Variants in MTRF1 observed in about 807,000 individuals in gnomAD.
The protein encoded by MTRF1 is peptide chain release factor 1, mitochondrial.
Under a neutral mutation model 62.9 loss-of-function variants are expected in MTRF1, and 51 were observed. The observed-to-expected ratio is 0.81, with a 90% CI of 0.65 to 1.02. MTRF1 has a LOEUF of 1.02. Among genes scored for constraint, MTRF1 ranks in the 50% least tolerant of loss-of-function variants. MTRF1 has a pLI of 0.00. For synonymous variants in MTRF1, 158 were observed against 181.9 expected, an observed-to-expected ratio of 0.87 and a Z score of 1.06; for missense variants, 446 against 530.0, an observed-to-expected ratio of 0.84 and a Z score of 1.56.
At chr13:41,246,933 G>A (rs543814354) in intron 5 of MTRF1, among the ~76,000 whole-genome samples, 1 of 152,312 alleles carries the variant, frequency 6.6e-6, no homozygotes, top group South Asian at 2.1e-4. Context: ...AGGCAAGTTA[G>A]TTCCACGCTT....
chr13:41,252,846 CA>C, intron 4 of MTRF1, 94 bp from the exon 5 acceptor site: 1 of 1,385,998 alleles, frequency 7.2e-7, no homozygotes, highest in Non-Finnish European at 1.0e-6. Context: ...TAACTATTTC[CA>C]AATTTAAATA....
chr13:41,262,464 G>A (rs1436143128), intron 1 of MTRF1: 1 of 151,558 alleles, frequency 6.6e-6, no homozygotes, highest in Non-Finnish European at 1.5e-5. Flanking sequence ...TCTTGCACAT[G>A]TAGCATGGAA....
At position 41,229,383 on chromosome 13, in the gene MTRF1, ATC is replaced by A. The variant is rs542459968; in HGVS notation, c.989-2817_989-2816del. On this transcript the variant is annotated intron_variant, in intron 7 of 9. Transcript: ENST00000379480. The stretch of plus-strand genomic sequence containing the variant: ...CTTTCTGAAAATATGCAATAAATAA[ATC>A]TATATTAACCATATTCATGCTATAG... 578 of 152,334 alleles carry A rather than the reference ATC, an allele frequency of 3.8e-3. 6 individuals are homozygous for A. The highest frequency in any genetic ancestry group is 0.013 in the African/African-American group (549 of 41,584). The allele number at this position is 152,334 out of a possible 1,614,324, so 9.4% of individuals were successfully genotyped here.
At chr13:41,308,619 A>G in the MTRF1 span, among the ~76,000 whole-genome samples, 3 of 152,196 alleles carry the variant, frequency 2.0e-5, no homozygotes, top group African/African-American at 7.2e-5. Context: ...GACTAAGGCA[A>G]GCTCCTAAAG....
At chr13:41,301,677 G>C in the MTRF1 span, among the ~76,000 whole-genome samples, 2 of 152,216 alleles carry the variant, frequency 1.3e-5, no homozygotes, top group South Asian at 4.1e-4. Flanking sequence ...GAACCCAGGA[G>C]GTGGAGGTTG....
chr13:41,260,825 TGAGAATG>T lies in MTRF1; in HGVS notation c.76_82del (p.His26IlefsTer26), dbSNP rs1321361320. 2.5e-6 allele frequency: 4 copies of T among 1,613,700 alleles called. No homozygotes were observed. Among genetic ancestry groups the T allele is most frequent in the Non-Finnish European group, 3.4e-6 (4 of 1,179,730 alleles). On this transcript the variant is annotated frameshift_variant, in exon 2 of 10. Transcript: ENST00000379480. LOFTEE classifies it high-confidence loss of function. ...ATCAAGATGTATCTGTCTAAATTGA[TGAGAATG>T]GAGCTGGATGTGACACTGGAGGTAA... is the stretch of plus-strand genomic sequence containing the variant.
At chr13:41,220,305 A>G (rs1320926583) in intron 9 of MTRF1, among the ~76,000 whole-genome samples, 2 of 145,310 alleles carry the variant, frequency 1.4e-5, no homozygotes, top group Admixed American at 7.0e-5. Context: ...TCTGGGCAAC[A>G]GAGTGAGAAT....
upstream of MTRF1, among the ~76,000 whole-genome samples, chr13:41,268,439 G>A (rs1360322158): frequency 3.3e-5 from 5 of 151,992 alleles, no homozygotes; most frequent in East Asian, 3.9e-4. Context: ...AGTCATTCTC[G>A]GGAGGCTGAG....
chr13:41,249,727 A>T (rs2038817327), intron 5 of MTRF1, among the ~76,000 whole-genome samples: 1 of 139,366 alleles, frequency 7.2e-6, no homozygotes, highest in Admixed American at 8.1e-5. Context: ...CCTGGGTTCA[A>T]GTGATTCCCA....
At chr13:41,228,472 A>G (rs1383794739) in intron 7 of MTRF1, among the ~76,000 whole-genome samples, 1 of 152,178 alleles carries the variant, frequency 6.6e-6, no homozygotes, top group Non-Finnish European at 1.5e-5. Context: ...GGGCTGAGGT[A>G]GGAGGATGAC....
chr13:41,287,473 G>T, the MTRF1 span, among the ~76,000 whole-genome samples: 1 of 152,114 alleles, frequency 6.6e-6, no homozygotes, highest in African/African-American at 2.4e-5. Context: ...GATTTGGAGG[G>T]GACACATATC....
At chr13:41,308,827 A>G in the MTRF1 span, among the ~76,000 whole-genome samples, 5 of 152,184 alleles carry the variant, frequency 3.3e-5, no homozygotes, top group Non-Finnish European at 5.9e-5. Flanking sequence ...TCACCCAGGT[A>G]ATCAGCATAA....
At chr13:41,309,030 C>T in the MTRF1 span, among the ~76,000 whole-genome samples, 4 of 152,156 alleles carry the variant, frequency 2.6e-5, no homozygotes, top group African/African-American at 7.2e-5. Context: ...TCCAGCTCTA[C>T]CTGTGTTGCT....
the MTRF1 span, among the ~76,000 whole-genome samples, chr13:41,278,725 C>T: frequency 3.7e-4 from 56 of 152,284 alleles, no homozygotes; most frequent in Admixed American, 6.5e-4. Flanking sequence ...AGGATAAGAA[C>T]ATAGATGAAG....
chr13:41,306,174 A>G, the MTRF1 span, among the ~76,000 whole-genome samples: 63 of 152,276 alleles, frequency 4.1e-4, no homozygotes, highest in African/African-American at 1.5e-3. Flanking sequence ...CGAGGTCAGG[A>G]GATCGAGACC....
rs1723483426 is a variant in MTRF1, at chr13:41,216,951, A to T, written c.*164T>A. 4.6e-6 allele frequency: 2 copies of T among 432,488 alleles called. No individual in the cohort carries two copies. Among genetic ancestry groups the T allele is most frequent in the Admixed American group, 8.1e-5 (2 of 24,558 alleles). The allele number at this position is 432,488 out of a possible 1,614,324, so 26.8% of individuals were successfully genotyped here. On this transcript the variant is annotated 3_prime_UTR_variant, in exon 10 of 10. Transcript: ENST00000379480. ...TACAGGAAACCTAAAATAAATTCTT[A>T]GGTCAGGAAATGTGACTTCGATTAA...
chr13:41,249,172 T>C (rs2038693776), intron 5 of MTRF1, among the ~76,000 whole-genome samples: 1 of 152,212 alleles, frequency 6.6e-6, no homozygotes. Flanking sequence ...TTAACATGTA[T>C]ATATTATAAG....
chr13:41,261,195 G>A (rs754381202), intron 1 of MTRF1: 19 of 233,874 alleles, frequency 8.1e-5, no homozygotes, highest in East Asian at 3.5e-4. Flanking sequence ...TTATCCGGGC[G>A]TGGTGGCAGG....
chr13:41,300,949 T>C, the MTRF1 span, among the ~76,000 whole-genome samples: 2 of 152,212 alleles, frequency 1.3e-5, no homozygotes, highest in Non-Finnish European at 2.9e-5. Flanking sequence ...CTGGGCCTGA[T>C]ATATTTTGCA....
Sources: allele counts gnomAD v4.1 joint callset (sites outside exome capture counted in the v4.1 genomes callset), GRCh38; gene constraint gnomAD v4.1.1; transcripts MANE v1.5; gene names NCBI Gene and HGNC (gene_info 2026-07-23, HGNC 2026-07-21).